Variants in TFCP2 observed in about 807,000 individuals in gnomAD.
TFCP2 encodes transcription factor CP2, also known as alpha-globin transcription factor CP2.
Under a neutral mutation model 73.4 loss-of-function variants are expected in TFCP2, and 33 were observed. That is an observed-to-expected ratio of 0.45 (90% CI 0.34 to 0.60). TFCP2 has a LOEUF of 0.60. Among genes scored for constraint, TFCP2 ranks in the 20% least tolerant of loss-of-function variants. The pLI, the probability that TFCP2 is intolerant of heterozygous loss-of-function variation, is 0.01. For synonymous variants in TFCP2, 193 were observed against 211.6 expected, an observed-to-expected ratio of 0.91 and a Z score of 0.76; for missense variants, 352 against 604.0, an observed-to-expected ratio of 0.58 and a Z score of 4.37.
chr12:51,129,357 C>T (rs1940888514), intron 1 of TFCP2, among the ~76,000 whole-genome samples: 1 of 151,638 alleles, frequency 6.6e-6, no homozygotes, highest in Non-Finnish European at 1.5e-5. Flanking sequence ...ACTAAAAATA[C>T]AAAAAATTAG....
intron 1 of TFCP2, among the ~76,000 whole-genome samples, chr12:51,136,734 G>A (rs73305721): frequency 0.083 from 12,698 of 152,184 alleles, 557 homozygotes; most frequent in Middle Eastern, 0.13. Flanking sequence ...TCAGGAGTTT[G>A]AAACTAGTCT....
At position 51,099,605 on chromosome 12, in the gene TFCP2, A is replaced by T. The variant is rs755960929; in HGVS notation, c.1276+50T>A. ...TTCCCATCACACATGCCCATAAGTTATCTCTTCACCTTTCTTCATATCTGT... is the reference window on the plus strand; with the variant it reads ...TTCCCATCACACATGCCCATAAGTTTTCTCTTCACCTTTCTTCATATCTGT... On this transcript the variant is annotated intron_variant, in intron 12 of 14. Coordinates refer to ENST00000257915, the MANE Select transcript of TFCP2 (RefSeq NM_005653.5). 4 of 1,597,264 alleles carry T rather than the reference A, an allele frequency of 2.5e-6. No individual in the cohort carries two copies. In the East Asian group the frequency reaches 9.0e-5, roughly 36 times the overall value.
At position 51,139,512 on chromosome 12, in the gene TFCP2, G is replaced by C. The variant is rs370388090; in HGVS notation, c.123-20740C>G. Reference sequence around the variant, plus strand: ...TCAGCCTCAGCCTCCCAAGTAGCTAGGACTATAGGCACACACCACCACACC... The same window carrying C: ...TCAGCCTCAGCCTCCCAAGTAGCTACGACTATAGGCACACACCACCACACC... On this transcript the variant is annotated intron_variant, in intron 1 of 14. Transcript: ENST00000257915. Among the ~76,000 whole-genome samples the C allele has an allele frequency of 3.3e-4, 50 of 152,138 alleles. 1 individual carries two copies. The South Asian group carries it at 6.8e-3, about 21-fold the overall frequency.
chr12:51,161,010 C>G (rs113219657), intron 1 of TFCP2, among the ~76,000 whole-genome samples: 1 of 152,254 alleles, frequency 6.6e-6, no homozygotes, highest in African/African-American at 2.4e-5. Flanking sequence ...TGCACACCCC[C>G]GACTGAAGTT....
chr12:51,133,770 T>C (rs1047133858), intron 1 of TFCP2, among the ~76,000 whole-genome samples: 1 of 151,772 alleles, frequency 6.6e-6, no homozygotes, highest in African/African-American at 2.4e-5. Flanking sequence ...CTACTAAAAA[T>C]ACAAAAATTA....
In TFCP2 at chr12:51,124,411, TTTC is replaced by T. The variant is rs773163583; in HGVS notation, c.123-5642_123-5640del. Among the ~76,000 whole-genome samples the T allele has an allele frequency of 3.4e-3, 516 of 152,262 alleles. 4 individuals carry two copies. The highest frequency in any genetic ancestry group is 0.01 in the African/African-American group (422 of 41,570). On this transcript the variant is annotated intron_variant, in intron 1 of 14. Coordinates refer to ENST00000257915, the MANE Select transcript of TFCP2 (RefSeq NM_005653.5). ...CCCAACTAATTGGTTATTTTTTTCT[TTTC>T]TTCTTCTTCTTTTTTTTTTAAGAGT...
chr12:51,160,692 C>T (rs946152249), intron 1 of TFCP2, among the ~76,000 whole-genome samples: 7 of 152,152 alleles, frequency 4.6e-5, no homozygotes, highest in African/African-American at 1.7e-4. Flanking sequence ...ATTGAGATGG[C>T]AAGAACTGCT....
chr12:51,147,064 C>G (rs1230427090), intron 1 of TFCP2, among the ~76,000 whole-genome samples: 1 of 152,148 alleles, frequency 6.6e-6, no homozygotes, highest in Non-Finnish European at 1.5e-5. Context: ...AACATTAGGC[C>G]GGGCACAGTG....
intron 4 of TFCP2, among the ~76,000 whole-genome samples, chr12:51,115,340 T>G (rs1414021200): frequency 6.6e-6 from 1 of 152,102 alleles, no homozygotes; most frequent in African/African-American, 2.4e-5. Context: ...CAGGATGGTC[T>G]CGATTTCCTG....
intron 1 of TFCP2, among the ~76,000 whole-genome samples, chr12:51,165,574 T>C (rs1941739975): frequency 1.3e-5 from 2 of 151,830 alleles, no homozygotes; most frequent in African/African-American, 2.4e-5. Context: ...ACACAGAAAG[T>C]AGAATGGTGG....
chr12:51,096,285 G>A (rs1939964611), intron 13 of TFCP2, among the ~76,000 whole-genome samples: 1 of 152,052 alleles, frequency 6.6e-6, no homozygotes, highest in African/African-American at 2.4e-5. Flanking sequence ...CATTTCCCTG[G>A]GTTAACCCCA....
At chr12:51,101,457 G>A (rs896175336) in intron 11 of TFCP2, among the ~76,000 whole-genome samples, 19 of 152,110 alleles carry the variant, frequency 1.2e-4, no homozygotes, top group African/African-American at 4.6e-4. Flanking sequence ...TCAGAACTCA[G>A]CTTAAGTATC....
At chr12:51,100,991 C>A (rs896633157) in intron 11 of TFCP2, among the ~76,000 whole-genome samples, 1 of 152,180 alleles carries the variant, frequency 6.6e-6, no homozygotes, top group African/African-American at 2.4e-5. Flanking sequence ...TGTATTTTAA[C>A]AATTGCAGGC....
intron 1 of TFCP2, among the ~76,000 whole-genome samples, chr12:51,137,294 C>T (rs1220103156): frequency 6.6e-6 from 1 of 152,172 alleles, no homozygotes; most frequent in Non-Finnish European, 1.5e-5. Flanking sequence ...TTGCCAACTA[C>T]CAATTATTTA....
chr12:51,166,654 C>T (rs1941763517), intron 1 of TFCP2, among the ~76,000 whole-genome samples: 1 of 152,148 alleles, frequency 6.6e-6, no homozygotes, highest in South Asian at 2.1e-4. Flanking sequence ...AGCTCAATTA[C>T]GCTTGTGCAG....
In TFCP2 at chr12:51,098,848, G is replaced by A. The variant is rs1940034551; in HGVS notation, c.1347C>T (p.Ser449=). The A allele has an allele frequency of 1.2e-5, 20 of 1,614,144 alleles. No individual in the cohort carries two copies. The highest frequency in any genetic ancestry group is 1.6e-5 in the Non-Finnish European group (19 of 1,180,044). ...ELTEKIAQLF[S]ISPCQISQIY... ...TCTGGCTGATCTGGCAAGGGGAAAT[G>A]CTGAAAAGCTGAGCAATTTTTTCTG... The change falls in exon 13 of 15, where the codon AGC becomes AGT. Residue 449 remains serine (S), a synonymous_variant. Coordinates refer to ENST00000257915, the MANE Select transcript of TFCP2 (RefSeq NM_005653.5).
rs1310618559 is a variant in TFCP2 at position 51,172,799 on chromosome 12, C to G, written c.-377G>C. On this transcript the variant is annotated 5_prime_UTR_variant, in exon 1 of 15. Coordinates refer to ENST00000257915, the MANE Select transcript of TFCP2 (RefSeq NM_005653.5). ...ACCAGCAGCAGCCGCAGGAAGCCAGCCCGGCGCTCCCACGCTGCTTTTGCA... is the reference window on the plus strand; with the variant it reads ...ACCAGCAGCAGCCGCAGGAAGCCAGGCCGGCGCTCCCACGCTGCTTTTGCA... 5.5e-6 allele frequency: 1 copy of G among 180,732 alleles called. No homozygotes were observed. The highest frequency in any genetic ancestry group is 2.4e-5 in the African/African-American group (1 of 42,344). 11.2% of individuals were successfully genotyped at this position (180,732 alleles called of 1,614,324 possible). A position where few individuals can be genotyped will look rare whatever the true frequency, so the allele number is the denominator to read the frequency against.
At chr12:51,123,588 T>C (rs1430775506) in intron 1 of TFCP2, among the ~76,000 whole-genome samples, 1 of 152,184 alleles carries the variant, frequency 6.6e-6, no homozygotes, top group Non-Finnish European at 1.5e-5. Flanking sequence ...TTTAATTCAT[T>C]TTTTTATTTT....
At chr12:51,144,726 C>T (rs1436616191) in intron 1 of TFCP2, among the ~76,000 whole-genome samples, 3 of 152,142 alleles carry the variant, frequency 2.0e-5, no homozygotes, top group South Asian at 2.1e-4. Context: ...TTTAAAAAGA[C>T]AATACAGGAG....
Sources: gnomAD v4.1 joint callset for allele counts (sites outside exome capture counted in the v4.1 genomes callset) on GRCh38, gnomAD v4.1.1 for gene constraint, MANE v1.5 for transcripts, NCBI Gene and HGNC (gene_info 2026-07-23, HGNC 2026-07-21) for gene names.